Variants in SVIL observed in about 807,000 individuals in gnomAD.
SVIL encodes supervillin.
In SVIL, 101 loss-of-function variants were observed where a neutral mutation model predicts 240.4. That is an observed-to-expected ratio of 0.42 (90% CI 0.36 to 0.50). The LOEUF is 0.50. SVIL is among the 20% of genes least tolerant of loss of function. The pLI, the probability that SVIL is intolerant of heterozygous loss-of-function variation, is 0.01. For synonymous variants in SVIL, 999 were observed against 1,100.0 expected, an observed-to-expected ratio of 0.91 and a Z score of 1.82; for missense variants, 2,512 against 2,818.7, an observed-to-expected ratio of 0.89 and a Z score of 2.46.
intron 16 of SVIL, among the ~76,000 whole-genome samples, chr10:29,514,232 T>G (rs557476786): frequency 1.3e-5 from 2 of 152,354 alleles, no homozygotes; most frequent in South Asian, 4.1e-4. Flanking sequence ...ATAAATATTT[T>G]TTATTGTTAT....
At chr10:29,723,036 A>G (rs1308960623) in intron 1 of SVIL, among the ~76,000 whole-genome samples, 1 of 152,244 alleles carries the variant, frequency 6.6e-6, no homozygotes. Context: ...TAGATAAGTG[A>G]AAATCCCGGC....
intron 1 of SVIL, among the ~76,000 whole-genome samples, chr10:29,578,142 T>A (rs1955785412): frequency 6.6e-6 from 1 of 152,200 alleles, no homozygotes; most frequent in South Asian, 2.1e-4. Context: ...AAATATTATA[T>A]TAGAGATGCA....
intron 34 of SVIL, 61 bp from the exon 35 acceptor site, chr10:29,463,696 C>G (rs139324089): frequency 7.9e-5 from 125 of 1,578,996 alleles, no homozygotes; most frequent in Non-Finnish European, 1.0e-4. Flanking sequence ...TTCTAGCTCA[C>G]TCCTCCCCCA....
chr10:29,683,562 T>C (rs1960826869), intron 2 of SVIL, among the ~76,000 whole-genome samples: 1 of 152,080 alleles, frequency 6.6e-6, no homozygotes, highest in African/African-American at 2.4e-5. Context: ...AGAGGAGGGG[T>C]TCATTCAGAT....
At chr10:29,527,261 G>T (rs1950988221) in intron 12 of SVIL, among the ~76,000 whole-genome samples, 1 of 152,112 alleles carries the variant, frequency 6.6e-6, no homozygotes, top group Admixed American at 6.5e-5. Context: ...GCTACCCAAA[G>T]CAAATGGGGT....
rs185087191 is a variant in SVIL, at chr10:29,589,358, G to A, written c.-200-20046C>T. Among the ~76,000 whole-genome samples the A allele has an allele frequency of 7.6e-3, 1,161 of 152,314 alleles. 12 individuals carry two copies. Among genetic ancestry groups the A allele is most frequent in the African/African-American group, 0.022 (908 of 41,574 alleles). On this transcript the variant is annotated intron_variant, in intron 1 of 37. Coordinates refer to ENST00000355867, the MANE Select transcript of SVIL (RefSeq NM_021738.3). ...GGATCCACAGCTGGCCAACAGTGTG[G>A]TGGGAATCTGGAGGGGAGGAGAGCG...
intron 3 of SVIL, among the ~76,000 whole-genome samples, chr10:29,642,417 GAGAAAGAAAGAAAGAA>G (rs71020802): frequency 4.2e-4 from 52 of 123,562 alleles, no homozygotes; most frequent in East Asian, 2.2e-3. Context: ...GAGAGAGAGT[GAGAAAGAAAGAAAGAA>G]AGAAAGAAAG....
chr10:29,636,519 A>AC (rs1958316000), upstream of SVIL, among the ~76,000 whole-genome samples: 1 of 152,200 alleles, frequency 6.6e-6, no homozygotes, highest in Non-Finnish European at 1.5e-5. Context: ...AGATTAATAC[A>AC]CTGGAGTCTA....
At chr10:29,727,721 G>T (rs1964370336) in intron 1 of SVIL, among the ~76,000 whole-genome samples, 1 of 144,144 alleles carries the variant, frequency 6.9e-6, no homozygotes, top group Non-Finnish European at 1.5e-5. Context: ...AAGGAGAAAT[G>T]TGAATTAAGT....
At chr10:29,736,365 G>GC (rs990959979), upstream of SVIL, among the ~76,000 whole-genome samples, 6 of 152,252 alleles carry the variant, frequency 3.9e-5, no homozygotes, top group South Asian at 4.1e-4. Context: ...TGGCAGTCAC[G>GC]CCCCCCCGGT....
chr10:29,506,741 A>AGGCCCTAGAGGGAGGGGACAGT, intron 17 of SVIL, among the ~76,000 whole-genome samples: 1 of 142,432 alleles, frequency 7.0e-6, no homozygotes, highest in African/African-American at 2.6e-5. Context: ...GAGGGGACAG[A>AGGCCCTAGAGGGAGGGGACAGT]GGCCCTAGAG....
At position 29,593,453 on chromosome 10, in the gene SVIL, G is replaced by A. The variant is rs1371259414; in HGVS notation, c.-200-24141C>T. Among the ~76,000 whole-genome samples, 3 of 152,126 alleles carry A rather than the reference G, an allele frequency of 2.0e-5. No individual in the cohort carries two copies. The East Asian group carries it at 5.8e-4, about 29-fold the overall frequency. ...CCATCAGGAAGATTCCAGACCAAGG[G>A]AAATCCACACATGGGCCCCCCAGTT... On this transcript the variant is annotated intron_variant, in intron 1 of 37. Coordinates refer to ENST00000355867, the MANE Select transcript of SVIL (RefSeq NM_021738.3).
rs747044039 is a variant in SVIL at position 29,531,238 on chromosome 10, G to A, written c.2044+16C>T. Reference sequence around the variant, plus strand: ...TGAGATAATAAAGAAGAAAAAAAAGGGAAACAGGTACTTGCCATCGACAGT... The same window carrying A: ...TGAGATAATAAAGAAGAAAAAAAAGAGAAACAGGTACTTGCCATCGACAGT... On this transcript the variant is annotated intron_variant, in intron 10 of 37. Transcript: ENST00000355867. 6.2e-7 allele frequency: 1 copy of A among 1,613,110 alleles called. No homozygotes were observed. The highest frequency in any genetic ancestry group is 8.5e-7 in the Non-Finnish European group (1 of 1,179,648).
chr10:29,574,198 G>T (rs1955581527), intron 1 of SVIL, among the ~76,000 whole-genome samples: 1 of 152,200 alleles, frequency 6.6e-6, no homozygotes, highest in Admixed American at 6.5e-5. Context: ...TTTTAAGGCT[G>T]TAATCTTTAA....
intron 3 of SVIL, among the ~76,000 whole-genome samples, chr10:29,642,165 G>C (rs1274691273): frequency 6.6e-6 from 1 of 152,160 alleles, no homozygotes; most frequent in Non-Finnish European, 1.5e-5. Context: ...TTGGGAGGCT[G>C]AGGCAGATGG....
At chr10:29,514,160 C>A (rs1950048182) in intron 16 of SVIL, among the ~76,000 whole-genome samples, 1 of 49,978 alleles carries the variant, frequency 2.0e-5, no homozygotes. Context: ...TATTTTTATC[C>A]ATAAATATTA....
chr10:29,483,141 CTGTT>C (rs760667794), intron 27 of SVIL: 22 of 152,296 alleles, frequency 1.4e-4, no homozygotes, highest in South Asian at 4.1e-4. Flanking sequence ...ATCTGAATGA[CTGTT>C]TGTTATGTCA....
rs149047135 is a variant in SVIL, at chr10:29,616,451, A to G, written c.-201+17969T>C. Among the ~76,000 whole-genome samples the G allele has an allele frequency of 2.4e-3, 364 of 152,358 alleles. 1 individual carries two copies. Among genetic ancestry groups the G allele is most frequent in the African/African-American group, 8.2e-3 (342 of 41,578 alleles). On this transcript the variant is annotated intron_variant, in intron 1 of 37. Coordinates refer to ENST00000355867, the MANE Select transcript of SVIL (RefSeq NM_021738.3). ...CAAGTAAAATATACAATAAACTGAC[A>G]TACAAGACAGATTCCAATAAACAAA...
At chr10:29,553,074 T>C (rs926109387) in intron 5 of SVIL, among the ~76,000 whole-genome samples, 1 of 149,924 alleles carries the variant, frequency 6.7e-6, no homozygotes, top group South Asian at 2.1e-4. Flanking sequence ...TGCCTCAGCC[T>C]CCCAAAGTGC....
Sources: gnomAD v4.1 joint callset for allele counts (sites outside exome capture counted in the v4.1 genomes callset) on GRCh38, gnomAD v4.1.1 for gene constraint, MANE v1.5 for transcripts, NCBI Gene and HGNC (gene_info 2026-07-23, HGNC 2026-07-21) for gene names.